Variants in KCNT2 observed in about 807,000 individuals in gnomAD.
KCNT2 encodes the protein potassium sodium-activated channel subfamily T member 2.
In KCNT2, 67 loss-of-function variants were observed where a neutral mutation model predicts 153.8. The ratio of observed to expected loss-of-function variants is 0.44; its 90% confidence interval spans 0.36 to 0.53. KCNT2 has a LOEUF of 0.53. KCNT2 is among the 20% of genes least tolerant of loss of function. The probability of loss-of-function intolerance (pLI) is 0.00; values close to 1 mark genes in which losing one functional copy is unlikely to be tolerated. For missense variants in KCNT2, 975 were observed against 1,354.8 expected, an observed-to-expected ratio of 0.72 and a Z score of 4.40; for synonymous variants, 500 against 458.8, an observed-to-expected ratio of 1.09 and a Z score of -1.15.
chr1:196,302,630 T>C (rs1661292467), intron 22 of KCNT2, among the ~76,000 whole-genome samples: 1 of 152,040 alleles, frequency 6.6e-6, no homozygotes, highest in South Asian at 2.1e-4. Context: ...TTAATAAAAA[T>C]GTCAGTGAGC....
chr1:196,271,588 A>G (rs536929257), intron 25 of KCNT2, among the ~76,000 whole-genome samples: 10 of 152,056 alleles, frequency 6.6e-5, no homozygotes, highest in South Asian at 2.1e-4. Flanking sequence ...GGGTTTGAGA[A>G]TGAATGAGAT....
At chr1:196,425,641 G>C (rs115567577) in intron 11 of KCNT2, among the ~76,000 whole-genome samples, 242 of 152,044 alleles carry the variant, frequency 1.6e-3, no homozygotes, top group African/African-American at 5.2e-3. Context: ...TTTGCCTTGA[G>C]ATGAGGCTGA....
intron 3 of KCNT2, among the ~76,000 whole-genome samples, chr1:196,484,379 T>C (rs2148711914): frequency 6.6e-6 from 1 of 152,264 alleles, no homozygotes; most frequent in South Asian, 2.1e-4. Context: ...GGTTGTTTTT[T>C]TCATGTAAAT....
chr1:196,446,116 T>G (rs938419155), intron 8 of KCNT2, among the ~76,000 whole-genome samples: 1 of 151,354 alleles, frequency 6.6e-6, no homozygotes, highest in African/African-American at 2.4e-5. Context: ...TTCTTTAAAC[T>G]CAAGGAGATT....
intron 1 of KCNT2, among the ~76,000 whole-genome samples, chr1:196,505,833 T>C (rs1259370466): frequency 6.6e-6 from 1 of 152,088 alleles, no homozygotes; most frequent in African/African-American, 2.4e-5. Context: ...GGTATTTTAT[T>C]CTCTTTGAAG....
At chr1:196,539,568 A>T (rs1656060655) in intron 1 of KCNT2, among the ~76,000 whole-genome samples, 1 of 152,140 alleles carries the variant, frequency 6.6e-6, no homozygotes, top group South Asian at 2.1e-4. Context: ...TTTCAATTTA[A>T]TGGTATACAG....
At chr1:196,279,189 A>G (rs1303728650) in intron 25 of KCNT2, among the ~76,000 whole-genome samples, 1 of 152,146 alleles carries the variant, frequency 6.6e-6, no homozygotes, top group Non-Finnish European at 1.5e-5. Context: ...AAAGCACTTG[A>G]TCTTCTCTTA....
chr1:196,511,557 GC>G (rs1681633908), intron 1 of KCNT2, among the ~76,000 whole-genome samples: 1 of 152,118 alleles, frequency 6.6e-6, no homozygotes, highest in South Asian at 2.1e-4. Context: ...GGCTGCTATA[GC>G]AAAATAACAT....
At chr1:196,357,663 T>C (rs541319531) in intron 14 of KCNT2, among the ~76,000 whole-genome samples, 1 of 151,978 alleles carries the variant, frequency 6.6e-6, no homozygotes, top group African/African-American at 2.4e-5. Flanking sequence ...GAGGCATCCA[T>C]TTTGTTGCAA....
Position 196,451,217 on chromosome 1 carries a change from CTTT to C in KCNT2, c.638+14073_638+14075del, listed in dbSNP as rs561944079. Among the ~76,000 whole-genome samples the C allele has an allele frequency of 5.4e-3, 345 of 63,524 alleles. 3 individuals are homozygous for C. Among genetic ancestry groups the C allele is most frequent in the African/African-American group, 0.016 (333 of 21,172 alleles). 41.7% of individuals were successfully genotyped at this position (63,524 alleles called of 152,430 possible). A position where few individuals can be genotyped will look rare whatever the true frequency, so the allele number is the denominator to read the frequency against. On this transcript the variant is annotated intron_variant, in intron 8 of 27. Coordinates refer to ENST00000294725, the MANE Select transcript of KCNT2 (RefSeq NM_198503.5). ...GCTATATCCCTCTTAATCCCTCTTT[CTTT>C]TTTTTTTTTTTTTTTTTTTTTTTCC... is the stretch of plus-strand genomic sequence containing the variant.
chr1:196,302,033 C>T (rs1204547012), intron 22 of KCNT2, among the ~76,000 whole-genome samples: 1 of 152,126 alleles, frequency 6.6e-6, no homozygotes, highest in Non-Finnish European at 1.5e-5. Context: ...AACCACCACG[C>T]CCAGCTGTGA....
intron 20 of KCNT2, among the ~76,000 whole-genome samples, chr1:196,318,630 C>A (rs1224541976): frequency 6.6e-6 from 1 of 151,782 alleles, no homozygotes; most frequent in Non-Finnish European, 1.5e-5. Flanking sequence ...GTACATCTAA[C>A]TACAGTTTAT....
intron 1 of KCNT2, among the ~76,000 whole-genome samples, chr1:196,569,478 T>G (rs531175190): frequency 2.6e-5 from 4 of 152,324 alleles, no homozygotes; most frequent in Non-Finnish European, 5.9e-5. Context: ...GGGATTGAAA[T>G]AAAGCTGTGA....
intron 13 of KCNT2, among the ~76,000 whole-genome samples, chr1:196,379,387 A>C (rs1025902999): frequency 6.6e-5 from 10 of 152,086 alleles, no homozygotes; most frequent in Non-Finnish European, 1.5e-4. Context: ...CCTGGCCAAC[A>C]TGGCAAAACC....
At chr1:196,501,928 G>C (rs1186145637) in intron 1 of KCNT2, among the ~76,000 whole-genome samples, 2 of 152,102 alleles carry the variant, frequency 1.3e-5, no homozygotes, top group East Asian at 3.9e-4. Context: ...AGACCAGCCT[G>C]GGCAACACGG....
intron 25 of KCNT2, among the ~76,000 whole-genome samples, chr1:196,271,322 A>G (rs1276756458): frequency 6.6e-6 from 1 of 152,042 alleles, no homozygotes; most frequent in Non-Finnish European, 1.5e-5. Flanking sequence ...TTTTCTCTTC[A>G]GTTTTCATTT....
intron 19 of KCNT2, among the ~76,000 whole-genome samples, chr1:196,326,513 C>T (rs942443587): frequency 6.6e-6 from 1 of 151,996 alleles, no homozygotes; most frequent in East Asian, 1.9e-4. Context: ...CAGAATATCC[C>T]AGTTTTAAGT....
At chr1:196,548,087 T>A (rs1021866515) in intron 1 of KCNT2, among the ~76,000 whole-genome samples, 1 of 151,816 alleles carries the variant, frequency 6.6e-6, no homozygotes, top group African/African-American at 2.4e-5. Flanking sequence ...AATGATGATG[T>A]GAGGGAGAAT....
At chr1:196,240,105 A>C (rs1654815842) in intron 26 of KCNT2, among the ~76,000 whole-genome samples, 1 of 152,082 alleles carries the variant, frequency 6.6e-6, no homozygotes, top group Non-Finnish European at 1.5e-5. Context: ...CAGCCCTAGT[A>C]CACGAATATA....
Sources: allele counts gnomAD v4.1 joint callset (sites outside exome capture counted in the v4.1 genomes callset), GRCh38; gene constraint gnomAD v4.1.1; transcripts MANE v1.5; gene names NCBI Gene and HGNC (gene_info 2026-07-23, HGNC 2026-07-21).